Variants in ARHGEF26 observed in about 807,000 individuals in gnomAD.
The protein encoded by ARHGEF26 is Rho guanine nucleotide exchange factor 26.
Under a neutral mutation model 89.4 loss-of-function variants are expected in ARHGEF26, and 59 were observed. The ratio of observed to expected loss-of-function variants is 0.66; its 90% CI spans 0.54 to 0.82. The LOEUF (loss-of-function observed/expected upper bound fraction) is 0.82. ARHGEF26 is among the 40% of genes least tolerant of loss of function. The pLI is 0.00. For missense variants in ARHGEF26, 1,234 were observed against 1,085.6 expected (o/e 1.14, Z -1.92); for synonymous variants, 500 against 428.4 (o/e 1.17, Z -2.06).
chr3:154,152,260 C>G (rs1720067792), intron 5 of ARHGEF26, among the ~76,000 whole-genome samples: 1 of 152,082 alleles, frequency 6.6e-6, no homozygotes, highest in Admixed American at 6.5e-5. Context: ...CTGTTATTGA[C>G]TGAAAATTAG....
At chr3:154,241,817 C>T (rs1007263872) in intron 12 of ARHGEF26, among the ~76,000 whole-genome samples, 10 of 152,214 alleles carry the variant, frequency 6.6e-5, no homozygotes, top group African/African-American at 2.4e-4. Flanking sequence ...GGTAATTAGA[C>T]ATCATAACCT....
At chr3:154,136,700 A>G (rs926548366) in intron 4 of ARHGEF26, among the ~76,000 whole-genome samples, 19 of 152,358 alleles carry the variant, frequency 1.2e-4, no homozygotes, top group African/African-American at 4.6e-4. Flanking sequence ...ATGCATTTAA[A>G]CTTATTCTTT....
intron 6 of ARHGEF26, among the ~76,000 whole-genome samples, chr3:154,164,879 C>T (rs1711910911): frequency 6.6e-6 from 1 of 152,140 alleles, no homozygotes; most frequent in Admixed American, 6.5e-5. Context: ...AAGAAATCCT[C>T]AGCAAGCGTT....
Position 154,255,461 on chromosome 3 carries a change from G to GACC in ARHGEF26, c.2606_2608dup (p.Thr869dup). 1 of 1,613,266 alleles carries GACC rather than the reference G, an allele frequency of 6.2e-7. No homozygotes were observed. The highest frequency in any genetic ancestry group is 2.2e-5 in the East Asian group (1 of 44,872). Reference sequence around the variant, plus strand: ...GAATGGGACGCTTGCTAGGACTGGAGACCAACGTGTAGTCTCTCAGATGGT... The same window carrying GACC: ...GAATGGGACGCTTGCTAGGACTGGAGACCACCAACGTGTAGTCTCTCAGATGGT... On this transcript the variant is annotated inframe_insertion, in exon 15 of 15. Transcript: ENST00000465093.
intron 10 of ARHGEF26, 123 bp from the exon 11 acceptor site, chr3:154,225,733 T>G: frequency 9.4e-7 from 1 of 1,062,728 alleles, no homozygotes; most frequent in Non-Finnish European, 1.3e-6. Flanking sequence ...TATATGCCTA[T>G]AAAACAATGA....
intron 8 of ARHGEF26, among the ~76,000 whole-genome samples, chr3:154,192,539 T>C (rs79642185): frequency 5.1e-4 from 78 of 152,340 alleles, no homozygotes; most frequent in African/African-American, 1.5e-3. Context: ...CACCTGTAAT[T>C]CAGGAACTTC....
At chr3:154,246,124 T>TG (rs1394208843) in intron 12 of ARHGEF26, among the ~76,000 whole-genome samples, 4 of 151,394 alleles carry the variant, frequency 2.6e-5, no homozygotes, top group Non-Finnish European at 5.9e-5. Context: ...AATTGGGGGG[T>TG]GGTGAGGATA....
chr3:154,154,911 A>G (rs1442593002), intron 6 of ARHGEF26, among the ~76,000 whole-genome samples: 1 of 152,026 alleles, frequency 6.6e-6, no homozygotes, highest in Non-Finnish European at 1.5e-5. Flanking sequence ...TATATTAGCC[A>G]TTCTATCTTT....
chr3:154,178,765 TGGAAACTATG>T (rs1311356183), intron 6 of ARHGEF26, among the ~76,000 whole-genome samples: 1 of 152,206 alleles, frequency 6.6e-6, no homozygotes, highest in Admixed American at 6.5e-5. Context: ...AAGGGTCATA[TGGAAACTATG>T]TTTAACATTT....
At chr3:154,253,010 G>T in intron 12 of ARHGEF26, 106 bp from the exon 13 acceptor site, 1 of 1,258,034 alleles carries the variant, frequency 7.9e-7, no homozygotes, top group Non-Finnish European at 1.1e-6. Context: ...CCTCTCTAGA[G>T]AATCTCTTGT....
intron 5 of ARHGEF26, among the ~76,000 whole-genome samples, chr3:154,150,385 T>C (rs1164681588): frequency 6.6e-6 from 1 of 152,098 alleles, no homozygotes; most frequent in Non-Finnish European, 1.5e-5. Flanking sequence ...CAACTATAAT[T>C]ATGAACTGGT....
chr3:154,180,185 A>AT (rs1713095263), intron 6 of ARHGEF26, among the ~76,000 whole-genome samples: 1 of 152,188 alleles, frequency 6.6e-6, no homozygotes, highest in Middle Eastern at 3.2e-3. Flanking sequence ...ATCCAGGATG[A>AT]TTTTCCCATC....
chr3:154,216,509 A>ATTTTTTTTTTTTT (rs1273722931), intron 9 of ARHGEF26, among the ~76,000 whole-genome samples: 1 of 26,342 alleles, frequency 3.8e-5, no homozygotes, highest in Non-Finnish European at 8.5e-5. Flanking sequence ...TTTATTTTTT[A>ATTTTTTTTTTTTT]TTTTTTTTTT....
chr3:154,178,758 G>A (rs1006967129), intron 6 of ARHGEF26, among the ~76,000 whole-genome samples: 1 of 152,086 alleles, frequency 6.6e-6, no homozygotes, highest in Non-Finnish European at 1.5e-5. Context: ...GGAATTGAAG[G>A]GTCATATGGA....
chr3:154,218,781 G>A (rs903623712), intron 10 of ARHGEF26, among the ~76,000 whole-genome samples: 5 of 152,194 alleles, frequency 3.3e-5, no homozygotes, highest in African/African-American at 1.2e-4. Flanking sequence ...TGCTTTGGCA[G>A]CATATATACT....
At chr3:154,184,028 A>G (rs56017089) in intron 6 of ARHGEF26, among the ~76,000 whole-genome samples, 26,207 of 146,056 alleles carry the variant, frequency 0.18, 2,785 homozygotes, top group East Asian at 0.41. Context: ...GCTAGAGTGC[A>G]GTGGCGCAAT....
At chr3:154,182,589 A>T (rs570109998) in intron 6 of ARHGEF26, among the ~76,000 whole-genome samples, 2 of 152,236 alleles carry the variant, frequency 1.3e-5, no homozygotes, top group African/African-American at 4.8e-5. Context: ...TGTGTAATTT[A>T]TTTGCTGAGA....
At chr3:154,205,309 A>G (rs559361114) in intron 9 of ARHGEF26, among the ~76,000 whole-genome samples, 1 of 152,206 alleles carries the variant, frequency 6.6e-6, no homozygotes, top group Admixed American at 6.5e-5. Context: ...TGTGTCTGAT[A>G]TAAGTATAGC....
intron 7 of ARHGEF26, among the ~76,000 whole-genome samples, chr3:154,190,059 C>A (rs1713854218): frequency 6.6e-6 from 1 of 152,068 alleles, no homozygotes; most frequent in Non-Finnish European, 1.5e-5. Flanking sequence ...TGTCACTATC[C>A]TGCTTCCTTC....
Sources: gnomAD v4.1 joint callset for allele counts (sites outside exome capture counted in the v4.1 genomes callset) on GRCh38, gnomAD v4.1.1 for gene constraint, MANE v1.5 for transcripts, NCBI Gene and HGNC (gene_info 2026-07-23, HGNC 2026-07-21) for gene names.